Variants in LYPLAL1 observed in about 807,000 individuals in gnomAD.
The protein encoded by LYPLAL1 is lysophospholipase-like protein 1.
Under a neutral mutation model 19.7 loss-of-function variants are expected in LYPLAL1, and 23 were observed. The ratio of observed to expected loss-of-function variants is 1.17; its 90% confidence interval spans 0.84 to 1.65. The LOEUF is 1.65. Among genes scored for constraint, LYPLAL1 ranks in the 40% most tolerant of loss-of-function variants. The probability of loss-of-function intolerance (pLI) is 0.00; values close to 1 mark genes in which losing one functional copy is unlikely to be tolerated. For synonymous variants in LYPLAL1, 119 were observed against 96.3 expected (o/e 1.24, Z -1.38); for missense variants, 355 against 279.4 (o/e 1.27, Z -1.93).
At chr1:219,255,774 G>C in the LYPLAL1 span, among the ~76,000 whole-genome samples, 1 of 151,706 alleles carries the variant, frequency 6.6e-6, no homozygotes, top group Admixed American at 6.6e-5. Context: ...TTCATTCCTA[G>C]AATCTAAGAG....
At chr1:219,212,980 A>G (rs534178485), downstream of LYPLAL1, 1 of 152,182 alleles carries the variant, frequency 6.6e-6, no homozygotes, top group Admixed American at 6.5e-5. Flanking sequence ...CTTTGAGAAA[A>G]TAGTTGTGCC....
the LYPLAL1 span, among the ~76,000 whole-genome samples, chr1:219,290,379 C>A: frequency 6.6e-6 from 1 of 151,888 alleles, no homozygotes; most frequent in Non-Finnish European, 1.5e-5. Flanking sequence ...TATTCCTAGC[C>A]CCTCTACATG....
chr1:219,435,700 C>T, the LYPLAL1 span, among the ~76,000 whole-genome samples: 16 of 151,948 alleles, frequency 1.1e-4, no homozygotes, highest in African/African-American at 3.9e-4. Context: ...GTGGTGCATG[C>T]CTGTAGTCCC....
At chr1:219,193,862 C>T (rs1657394622) in intron 3 of LYPLAL1, among the ~76,000 whole-genome samples, 1 of 151,752 alleles carries the variant, frequency 6.6e-6, no homozygotes, top group South Asian at 2.1e-4. Flanking sequence ...ATGAATGGTA[C>T]ACGACATATT....
At chr1:219,366,667 A>C in the LYPLAL1 span, among the ~76,000 whole-genome samples, 10 of 152,318 alleles carry the variant, frequency 6.6e-5, no homozygotes, top group East Asian at 1.9e-3. Flanking sequence ...ATTGGGGCCA[A>C]ATCAAGTTAC....
intron 3 of LYPLAL1, among the ~76,000 whole-genome samples, chr1:219,203,241 C>T (rs936038466): frequency 4.7e-5 from 7 of 150,354 alleles, no homozygotes; most frequent in African/African-American, 9.8e-5. Flanking sequence ...CCATTCTTTG[C>T]GGTTTTATTT....
the LYPLAL1 span, among the ~76,000 whole-genome samples, chr1:219,314,599 C>T: frequency 3.9e-5 from 6 of 152,226 alleles, no homozygotes; most frequent in East Asian, 7.7e-4. Context: ...CGACCACCAC[C>T]GCGCCCAGCT....
At chr1:219,295,433 T>C in the LYPLAL1 span, among the ~76,000 whole-genome samples, 2 of 152,162 alleles carry the variant, frequency 1.3e-5, no homozygotes, top group South Asian at 4.1e-4. Context: ...AGTCATGAAT[T>C]AGTAAAGAGA....
the LYPLAL1 span, among the ~76,000 whole-genome samples, chr1:219,311,410 T>C: frequency 6.6e-6 from 1 of 152,184 alleles, no homozygotes; most frequent in African/African-American, 2.4e-5. Context: ...ACATATTTGC[T>C]TGGAACTATG....
At chr1:219,222,416 C>T in the LYPLAL1 span, 1 of 152,086 alleles carries the variant, frequency 6.6e-6, no homozygotes, top group Admixed American at 6.5e-5. Context: ...AATTGTTTGT[C>T]TCAGGGAAAT....
chr1:219,438,323 G>A, the LYPLAL1 span, among the ~76,000 whole-genome samples: 2 of 152,138 alleles, frequency 1.3e-5, no homozygotes, highest in African/African-American at 4.8e-5. Flanking sequence ...TGTCATTCAG[G>A]TTAACAGAGG....
At chr1:219,375,329 G>A in the LYPLAL1 span, among the ~76,000 whole-genome samples, 1 of 151,902 alleles carries the variant, frequency 6.6e-6, no homozygotes. Context: ...AGCTGGGCGT[G>A]GTGGCGCATG....
At chr1:219,198,367 T>TAATC (rs1344273410) in intron 3 of LYPLAL1, among the ~76,000 whole-genome samples, 1 of 152,022 alleles carries the variant, frequency 6.6e-6, no homozygotes, top group African/African-American at 2.4e-5. Context: ...ATGCTATATA[T>TAATC]AATCCAGTTT....
the LYPLAL1 span, among the ~76,000 whole-genome samples, chr1:219,283,013 A>G: frequency 2.0e-5 from 3 of 152,146 alleles, no homozygotes; most frequent in Non-Finnish European, 2.9e-5. Flanking sequence ...GGCTGAAGAG[A>G]TGAAATGAAT....
the LYPLAL1 span, among the ~76,000 whole-genome samples, chr1:219,311,589 T>C: frequency 1.3e-5 from 2 of 151,892 alleles, no homozygotes; most frequent in Admixed American, 1.3e-4. Context: ...TATCATTCTC[T>C]TTTCACAACC....
At chr1:219,380,607 C>G in the LYPLAL1 span, among the ~76,000 whole-genome samples, 1 of 152,226 alleles carries the variant, frequency 6.6e-6, no homozygotes, top group African/African-American at 2.4e-5. Flanking sequence ...ACAGATGCCG[C>G]TGTAACTTGC....
chr1:219,261,932 T>C, the LYPLAL1 span, among the ~76,000 whole-genome samples: 4 of 152,340 alleles, frequency 2.6e-5, no homozygotes, highest in South Asian at 8.3e-4. Flanking sequence ...ATTATTCCCT[T>C]GAATAAGTTT....
chr1:219,343,867 C>CA, the LYPLAL1 span, among the ~76,000 whole-genome samples: 6 of 151,538 alleles, frequency 4.0e-5, no homozygotes, highest in Non-Finnish European at 8.8e-5. Flanking sequence ...CCAACCATTC[C>CA]TTTTTTTTTC....
chr1:219,439,739 T>A, the LYPLAL1 span, among the ~76,000 whole-genome samples: 3 of 152,122 alleles, frequency 2.0e-5, no homozygotes, highest in Non-Finnish European at 4.4e-5. Context: ...TTGCAGAGCA[T>A]CCTTGCTGTT....
Sources: gnomAD v4.1 joint callset for allele counts (sites outside exome capture counted in the v4.1 genomes callset) on GRCh38, gnomAD v4.1.1 for gene constraint, MANE v1.5 for transcripts, NCBI Gene and HGNC (gene_info 2026-07-23, HGNC 2026-07-21) for gene names.